The following FOXN3 variants were observed in gnomAD, a reference collection of about 807,000 sequenced individuals.
FOXN3 encodes forkhead box N3, also known as forkhead box protein N3.
A neutral mutation model predicts 38.4 loss-of-function variants in FOXN3; 7 were observed. The observed-to-expected ratio is 0.18, with a 90% CI of 0.10 to 0.34. FOXN3 has a LOEUF of 0.34. FOXN3 is among the 10% of genes least tolerant of loss of function. FOXN3 has a pLI of 1.00. For synonymous variants in FOXN3, 230 were observed against 242.2 expected, an observed-to-expected ratio of 0.95 and a Z score of 0.47; for missense variants, 456 against 613.4, an observed-to-expected ratio of 0.74 and a Z score of 2.71.
intron 2 of FOXN3, among the ~76,000 whole-genome samples, chr14:89,409,643 G>A (rs889079906): frequency 6.6e-6 from 1 of 152,150 alleles, no homozygotes; most frequent in Non-Finnish European, 1.5e-5. Context: ...AGGCTTTGGG[G>A]GACCTGAGCA....
At chr14:89,433,437 G>A (rs562282169) in intron 1 of FOXN3, among the ~76,000 whole-genome samples, 21 of 152,222 alleles carry the variant, frequency 1.4e-4, no homozygotes, top group East Asian at 5.8e-4. Flanking sequence ...AGCCGAGATC[G>A]TGCCACTGCA....
At chr14:89,496,882 G>A (rs748090293) in intron 1 of FOXN3, among the ~76,000 whole-genome samples, 2 of 152,114 alleles carry the variant, frequency 1.3e-5, no homozygotes, top group African/African-American at 4.8e-5. Context: ...CGGAATATTT[G>A]CCTTTTTGTG....
intron 1 of FOXN3, among the ~76,000 whole-genome samples, chr14:89,561,280 T>A (rs1895243935): frequency 6.6e-6 from 1 of 152,250 alleles, no homozygotes; most frequent in African/African-American, 2.4e-5. Flanking sequence ...GAGTGCAATC[T>A]CGGCTCACTG....
chr14:89,341,107 G>C (rs1888601973), intron 3 of FOXN3, among the ~76,000 whole-genome samples: 1 of 152,150 alleles, frequency 6.6e-6, no homozygotes, highest in African/African-American at 2.4e-5. Flanking sequence ...CAGTTCTCCA[G>C]TAAGAGTTAA....
intron 4 of FOXN3, among the ~76,000 whole-genome samples, chr14:89,229,337 A>G (rs1884734738): frequency 6.6e-6 from 1 of 152,198 alleles, no homozygotes; most frequent in South Asian, 2.1e-4. Context: ...CCTAAAACAA[A>G]CAATCAAAAT....
At chr14:89,220,786 T>C (rs895055904) in intron 4 of FOXN3, among the ~76,000 whole-genome samples, 1 of 152,106 alleles carries the variant, frequency 6.6e-6, no homozygotes, top group Non-Finnish European at 1.5e-5. Flanking sequence ...ATACATGCTT[T>C]GAAAGACGGC....
intron 1 of FOXN3, among the ~76,000 whole-genome samples, chr14:89,604,556 AAC>A (rs1266127520): frequency 6.6e-6 from 1 of 152,190 alleles, no homozygotes; most frequent in African/African-American, 2.4e-5. Context: ...GAAAAGACAG[AAC>A]AAAGGTATAA....
intron 4 of FOXN3, among the ~76,000 whole-genome samples, chr14:89,183,306 T>C (rs1887720483): frequency 6.6e-6 from 1 of 152,214 alleles, no homozygotes; most frequent in Admixed American, 6.5e-5. Flanking sequence ...ACCATGCTGA[T>C]AAATAACAGA....
chr14:89,491,157 G>GT (rs1202475192), intron 1 of FOXN3, among the ~76,000 whole-genome samples: 1 of 149,412 alleles, frequency 6.7e-6, no homozygotes, highest in East Asian at 2.0e-4. Flanking sequence ...TTTTTTTTAA[G>GT]TAGAGACGGG....
At chr14:89,406,861 A>C (rs1891402047) in intron 2 of FOXN3, among the ~76,000 whole-genome samples, 1 of 152,170 alleles carries the variant, frequency 6.6e-6, no homozygotes, top group African/African-American at 2.4e-5. Flanking sequence ...CTTCTCATTT[A>C]CAAGTACTCA....
intron 4 of FOXN3, among the ~76,000 whole-genome samples, chr14:89,194,771 A>G (rs1443520928): frequency 6.6e-6 from 1 of 152,050 alleles, no homozygotes; most frequent in Non-Finnish European, 1.5e-5. Flanking sequence ...CTTCCCTATA[A>G]GCTTACTTTC....
At chr14:89,413,886 A>AAGGGCAGGGC (rs370893490) in intron 1 of FOXN3, among the ~76,000 whole-genome samples, 5 of 130,688 alleles carry the variant, frequency 3.8e-5, no homozygotes, top group Admixed American at 3.2e-4. Flanking sequence ...AAGGGCAGGG[A>AAGGGCAGGGC]AGGGCAGGGC....
intron 2 of FOXN3, among the ~76,000 whole-genome samples, chr14:89,360,747 T>TCCA (rs1382700548): frequency 0.011 from 772 of 67,476 alleles, 33 homozygotes; most frequent in Middle Eastern, 0.045. Context: ...CAGCACCACC[T>TCCA]CCACCACCAC....
chr14:89,577,331 T>C (rs577660448), intron 1 of FOXN3: 1 of 152,344 alleles, frequency 6.6e-6, no homozygotes, highest in Admixed American at 6.5e-5. Context: ...AAAATCCATG[T>C]AGTCCTCCAT....
chr14:89,600,209 C>G (rs564489530), intron 1 of FOXN3, among the ~76,000 whole-genome samples: 2 of 152,220 alleles, frequency 1.3e-5, no homozygotes, highest in African/African-American at 2.4e-5. Flanking sequence ...TTTATCAAAC[C>G]AGGATGTTCT....
At position 89,555,398 on chromosome 14, in the gene FOXN3, A is replaced by G. The variant is rs1895096384; in HGVS notation, c.-15+63630T>C. Reference sequence around the variant, plus strand: ...GCTTCTCACCTCAGCCATTCCCTCAACAGTAGTCTTCTCCATAGAAAGTAA... The same window carrying G: ...GCTTCTCACCTCAGCCATTCCCTCAGCAGTAGTCTTCTCCATAGAAAGTAA... On this transcript the variant is annotated intron_variant, in intron 1 of 6. Transcript: ENST00000345097. 2.0e-5 allele frequency among the ~76,000 whole-genome samples: 3 copies of G among 152,322 alleles called. No individual in the cohort carries two copies. In the South Asian group the frequency reaches 6.2e-4, roughly 32 times the overall value.
intron 4 of FOXN3, among the ~76,000 whole-genome samples, chr14:89,192,442 A>C (rs891219879): frequency 2.1e-5 from 3 of 142,686 alleles, no homozygotes; most frequent in Admixed American, 1.4e-4. Flanking sequence ...ATAATACATA[A>C]ATTATATATT....
Position 89,221,671 on chromosome 14 carries a change from A to T in FOXN3, c.746-40865T>A, listed in dbSNP as rs1884467441. On this transcript the variant is annotated intron_variant, in intron 4 of 5. Transcript: ENST00000557258. The stretch of plus-strand genomic sequence containing the variant: ...GCCACTGTTTGTCTTATGCAGCAAG[A>T]TCTCTCTCAGTGACACGGCTGGGAA... 2.0e-5 allele frequency among the ~76,000 whole-genome samples: 3 copies of T among 152,188 alleles called. No individual in the cohort carries two copies. In the South Asian group the frequency reaches 6.2e-4, roughly 32 times the overall value.
chr14:89,359,502 C>T (rs1228143635), intron 2 of FOXN3, among the ~76,000 whole-genome samples: 1 of 152,150 alleles, frequency 6.6e-6, no homozygotes, highest in Non-Finnish European at 1.5e-5. Context: ...TGTTAATTTC[C>T]TTGGTCCAAA....
Sources: allele counts gnomAD v4.1 joint callset (sites outside exome capture counted in the v4.1 genomes callset), GRCh38; gene constraint gnomAD v4.1.1; transcripts MANE v1.5; gene names NCBI Gene and HGNC (gene_info 2026-07-23, HGNC 2026-07-21).